Variants in NT5C2 observed in about 807,000 individuals in gnomAD.
NT5C2 encodes 5'-nucleotidase, cytosolic II.
Under a neutral mutation model 76.1 loss-of-function variants are expected in NT5C2, and 58 were observed. The ratio of observed to expected loss-of-function variants is 0.76; its 90% confidence interval spans 0.62 to 0.95. NT5C2 has a LOEUF of 0.95. Among genes scored for constraint, NT5C2 ranks in the 40% least tolerant of loss-of-function variants. The pLI is 0.00. For synonymous variants in NT5C2, 229 were observed against 237.4 expected (o/e 0.96, Z 0.32); for missense variants, 478 against 690.3 (o/e 0.69, Z 3.45).
At chr10:103,162,322 T>C (rs2085121694) in intron 3 of NT5C2, among the ~76,000 whole-genome samples, 1 of 152,096 alleles carries the variant, frequency 6.6e-6, no homozygotes, top group African/African-American at 2.4e-5. Context: ...CTGAAGCTGC[T>C]ATTTTTTAAG....
At chr10:103,100,855 G>A (rs1307753176) in intron 8 of NT5C2, 190 bp downstream of exon 8, 6 of 683,664 alleles carry the variant, frequency 8.8e-6, no homozygotes, top group East Asian at 2.8e-5. Flanking sequence ...GAGAGGGGCC[G>A]TGTGGGAGGT....
At chr10:103,105,441 GTTC>G in intron 6 of NT5C2, 2 of 665,588 alleles carry the variant, frequency 3.0e-6, no homozygotes, top group South Asian at 5.0e-5. Context: ...AACTACTAAA[GTTC>G]TTCTGGGCAA....
intron 3 of NT5C2, among the ~76,000 whole-genome samples, chr10:103,173,293 TAC>T (rs1251550030): frequency 6.6e-6 from 1 of 152,172 alleles, no homozygotes. Flanking sequence ...GTTTAAAAAT[TAC>T]AGTCAGTTTG....
At chr10:103,129,306 T>G (rs1353547192) in intron 4 of NT5C2, among the ~76,000 whole-genome samples, 9 of 67,232 alleles carry the variant, frequency 1.3e-4, no homozygotes, top group Admixed American at 3.0e-4. Context: ...GGTGGGGGGG[T>G]CAGCCCCCCG....
At chr10:103,167,179 C>T (rs2086623889) in intron 3 of NT5C2, among the ~76,000 whole-genome samples, 1 of 152,110 alleles carries the variant, frequency 6.6e-6, no homozygotes, top group African/African-American at 2.4e-5. Flanking sequence ...CCACACCTGG[C>T]TAATTTTTGT....
intron 1 of NT5C2, among the ~76,000 whole-genome samples, chr10:103,193,018 C>T (rs897318584): frequency 6.6e-6 from 1 of 151,608 alleles, no homozygotes; most frequent in African/African-American, 2.4e-5. Context: ...GGGGCGGGGG[C>T]CGCACCGAGG....
intron 13 of NT5C2, 95 bp from the exon 14 acceptor site, chr10:103,094,133 G>A: frequency 8.1e-6 from 7 of 865,234 alleles, no homozygotes; most frequent in Non-Finnish European, 1.3e-5. Context: ...CACCACCAGT[G>A]CTACTTGGCC....
At chr10:103,123,634 C>T (rs1056091372) in intron 4 of NT5C2, among the ~76,000 whole-genome samples, 1 of 152,190 alleles carries the variant, frequency 6.6e-6, no homozygotes, top group African/African-American at 2.4e-5. Flanking sequence ...TTTCTATCTT[C>T]CTGAAAATTT....
chr10:103,167,177 G>A (rs532317460), intron 3 of NT5C2, among the ~76,000 whole-genome samples: 13 of 151,772 alleles, frequency 8.6e-5, no homozygotes, highest in African/African-American at 2.7e-4. Flanking sequence ...CACCACACCT[G>A]GCTAATTTTT....
intron 4 of NT5C2, among the ~76,000 whole-genome samples, chr10:103,134,427 G>A (rs2078801496): frequency 6.6e-6 from 1 of 152,264 alleles, no homozygotes; most frequent in Non-Finnish European, 1.5e-5. Flanking sequence ...CAAGCCTCAA[G>A]CCTTGGCACC....
At chr10:103,092,844 T>C (rs958525285) in intron 15 of NT5C2, among the ~76,000 whole-genome samples, 2 of 152,110 alleles carry the variant, frequency 1.3e-5, no homozygotes, top group Non-Finnish European at 2.9e-5. Flanking sequence ...AGAGGAAAAG[T>C]TGAGCTCCAG....
chr10:103,174,653 T>C (rs1235592212), intron 3 of NT5C2, among the ~76,000 whole-genome samples: 2 of 152,222 alleles, frequency 1.3e-5, no homozygotes, highest in African/African-American at 4.8e-5. Context: ...GACATTTTTC[T>C]CTTAAATACT....
chr10:103,162,266 G>A (rs1003196948), intron 3 of NT5C2, among the ~76,000 whole-genome samples: 1 of 151,788 alleles, frequency 6.6e-6, no homozygotes, highest in Non-Finnish European at 1.5e-5. Flanking sequence ...CACCCACCTC[G>A]GCCTCCCAAA....
Position 103,095,939 on chromosome 10 carries a change from C to T in NT5C2, c.813G>A (p.Lys271=). ...TGGTCTATTGAGTCACATACGGTAC[C>T]TTGGGGCCATGTGGGAAGTCAAACA... ...TYLFDFPHGP[K]PGSSHRPWQS... Residue 271 remains lysine (K), a splice_region_variant and synonymous_variant, in exon 12 of 19, where the codon AAG becomes AAA. Coordinates refer to ENST00000404739, the MANE Select transcript of NT5C2 (RefSeq NM_001351169.2). 3 of 1,612,730 alleles carry T rather than the reference C, an allele frequency of 1.9e-6. No individual in the cohort carries two copies. The highest frequency in any genetic ancestry group is 2.5e-6 in the Non-Finnish European group (3 of 1,178,944).
At chr10:103,131,902 A>G (rs2078239937) in intron 4 of NT5C2, among the ~76,000 whole-genome samples, 1 of 152,172 alleles carries the variant, frequency 6.6e-6, no homozygotes, top group Non-Finnish European at 1.5e-5. Flanking sequence ...AGCCTGGGCA[A>G]CAGAGTGAGA....
At chr10:103,139,345 G>A (rs1211074910) in intron 4 of NT5C2, 61 bp downstream of exon 4, 5 of 1,122,492 alleles carry the variant, frequency 4.5e-6, no homozygotes, top group Non-Finnish European at 6.4e-6. Flanking sequence ...ATTGCCTACT[G>A]TGAACCCACT....
At chr10:103,161,227 G>A (rs1339382642) in intron 3 of NT5C2, among the ~76,000 whole-genome samples, 1 of 152,114 alleles carries the variant, frequency 6.6e-6, no homozygotes, top group Admixed American at 6.6e-5. Flanking sequence ...ATCCAGGCTG[G>A]AGTGCACTGG....
chr10:103,094,473 G>A lies in NT5C2; in HGVS notation c.814-18C>T. The A allele has an allele frequency of 7.1e-7, 1 of 1,405,284 alleles. No homozygotes were observed. Among genetic ancestry groups the A allele is most frequent in the Non-Finnish European group, 1.0e-6 (1 of 990,748 alleles). The allele number at this position is 1,405,284 out of a possible 1,614,324, so 87.1% of individuals were successfully genotyped here. ...CTCCCAGGCTGGTGAAGGAGAAACA[G>A]CAAAAGTTGAAACATCACTCCTTAC... On this transcript the variant is annotated intron_variant, in intron 12 of 18. Coordinates refer to ENST00000404739, the MANE Select transcript of NT5C2 (RefSeq NM_001351169.2).
At chr10:103,185,639 A>T (rs1591900472) in intron 1 of NT5C2, among the ~76,000 whole-genome samples, 2 of 125,436 alleles carry the variant, frequency 1.6e-5, no homozygotes, top group Admixed American at 9.0e-5. Flanking sequence ...ACAGACAAAG[A>T]CCCTGTCTCC....
Sources: allele counts gnomAD v4.1 joint callset (sites outside exome capture counted in the v4.1 genomes callset), GRCh38; gene constraint gnomAD v4.1.1; transcripts MANE v1.5; gene names NCBI Gene and HGNC (gene_info 2026-07-23, HGNC 2026-07-21).